Variants in EFCAB5 observed in about 807,000 individuals in gnomAD.
The protein encoded by EFCAB5 is EF-hand calcium binding domain 5.
Under a neutral mutation model 167.9 loss-of-function variants are expected in EFCAB5, and 131 were observed. The ratio of observed to expected loss-of-function variants is 0.78; its 90% CI spans 0.68 to 0.90. The LOEUF (loss-of-function observed/expected upper bound fraction) is 0.90. Ranked by LOEUF, EFCAB5 falls within the 40% of genes least tolerant of loss-of-function variation. The pLI, the probability that EFCAB5 is intolerant of heterozygous loss-of-function variation, is 0.00. For synonymous variants in EFCAB5, 574 were observed against 602.8 expected (o/e 0.95, Z 0.70); for missense variants, 1,663 against 1,745.2 (o/e 0.95, Z 0.84).
chr17:30,053,535 ACAAGGCAAAAAGC>A lies in EFCAB5; in HGVS notation c.1585_1597del (p.Gly529LeufsTer8). 1.9e-6 allele frequency: 3 copies of A among 1,613,940 alleles called. No homozygotes were observed. In the South Asian group the frequency reaches 3.3e-5, roughly 18 times the overall value. On this transcript the variant is annotated frameshift_variant, in exon 10 of 23. Transcript: ENST00000394835. LOFTEE classifies it high-confidence loss of function. ...AAAGAATTTCAATTGAAGAACAACA[ACAAGGCAAAAAGC>A]CAACTGCAGAGCAAGAACTGTACAT...
intron 12 of EFCAB5, 49 bp downstream of exon 12, chr17:30,056,205 ATTTAATTTAC>A (rs1567747072): frequency 1.3e-6 from 2 of 1,501,662 alleles, no homozygotes; most frequent in South Asian, 2.4e-5. Context: ...CAATAGATGG[ATTTAATTTAC>A]TGTGGTACTC....
rs564137438 is a variant in EFCAB5 at position 30,051,319 on chromosome 17, A to G, written c.1300+102A>G. 2.0e-5 allele frequency: 19 copies of G among 935,558 alleles called. No individual in the cohort carries two copies. In the African/African-American group the frequency reaches 2.6e-4, roughly 13 times the overall value. The allele number at this position is 935,558 out of a possible 1,614,324, so 58.0% of individuals were successfully genotyped here. On this transcript the variant is annotated intron_variant, in intron 9 of 22. Transcript: ENST00000394835. ...TATGTTAACACAAGATTATTCTACCACCATGGAATCCCTTCACATAATAGC... is the reference window on the plus strand; with the variant it reads ...TATGTTAACACAAGATTATTCTACCGCCATGGAATCCCTTCACATAATAGC...
chr17:30,091,464 G>T lies in EFCAB5; in HGVS notation c.3938-407G>T, dbSNP rs191231502. ...CATGTCTCCTAAGTGTTCACTATGT[G>T]TAACGCCTGTAACTAAGCACTTTTA... On this transcript the variant is annotated intron_variant, in intron 20 of 22. Transcript: ENST00000394835. Among the ~76,000 whole-genome samples, 18 of 152,332 alleles carry T rather than the reference G, an allele frequency of 1.2e-4. No homozygotes were observed. In the East Asian group the frequency reaches 3.3e-3, roughly 28 times the overall value.
chr17:30,068,301 C>CA (rs2070632982), intron 14 of EFCAB5, among the ~76,000 whole-genome samples: 1 of 134,912 alleles, frequency 7.4e-6, no homozygotes. Context: ...GACTCCATCT[C>CA]AAAAAAAGAA....
Position 30,053,424 on chromosome 17 carries a change from A to T in EFCAB5, c.1470A>T (p.Gln490His). 6.2e-7 allele frequency: 1 copy of T among 1,614,042 alleles called. No individual in the cohort carries two copies. Among genetic ancestry groups the T allele is most frequent in the Middle Eastern group, 1.6e-4 (1 of 6,062 alleles). ...GTAAATTATTAGAAAGTCCAGATCA[A>T]CCTAAACTTAACGAACAGAGAACAT... is the stretch of plus-strand genomic sequence containing the variant. ...TQSKLLESPD[Q>H]PKLNEQRTST... Residue 490 changes from glutamine (Q) to histidine (H), a missense_variant, in exon 10 of 23, where the codon CAA (glutamine) becomes CAT (histidine). By Grantham distance (24) the Gln-to-His change is conservative. Transcript: ENST00000394835.
chr17:29,930,118 G>C, intron 1 of EFCAB5: 1 of 953,608 alleles, frequency 1.0e-6, no homozygotes, highest in Non-Finnish European at 1.6e-6. Flanking sequence ...GAACGGGGAG[G>C]AGGAGGAGGC....
intron 22 of EFCAB5, 135 bp downstream of exon 22, chr17:30,093,071 G>C (rs2071231817): frequency 3.6e-6 from 2 of 555,426 alleles, no homozygotes; most frequent in South Asian, 2.4e-5. Context: ...TCTAAGAGGA[G>C]GGACACTATG....
chr17:30,089,888 C>G lies in EFCAB5; in HGVS notation c.3684-533C>G, dbSNP rs574288730. On this transcript the variant is annotated intron_variant, in intron 19 of 22. Transcript: ENST00000394835. Reference sequence around the variant, plus strand: ...TTTCAGAGCTCCCCTTGGGATCAGGCCGAGGCTAGACTTCATGTGAAATTA... The same window carrying G: ...TTTCAGAGCTCCCCTTGGGATCAGGGCGAGGCTAGACTTCATGTGAAATTA... Among the ~76,000 whole-genome samples, 38 of 152,310 alleles carry G rather than the reference C, an allele frequency of 2.5e-4. 1 individual carries two copies. The highest frequency in any genetic ancestry group is 8.4e-4 in the African/African-American group (35 of 41,556).
At chr17:30,031,234 A>G (rs1015801534) in intron 7 of EFCAB5, among the ~76,000 whole-genome samples, 1 of 152,170 alleles carries the variant, frequency 6.6e-6, no homozygotes, top group African/African-American at 2.4e-5. Context: ...AACAAGCATC[A>G]GAATCACCAG....
chr17:29,981,276 C>T (rs1232118337), intron 4 of EFCAB5, among the ~76,000 whole-genome samples: 1 of 152,182 alleles, frequency 6.6e-6, no homozygotes, highest in African/African-American at 2.4e-5. Flanking sequence ...CTTTTCCAAG[C>T]TTGGCTCCTG....
At chr17:30,012,221 C>T (rs759830366) in intron 7 of EFCAB5, among the ~76,000 whole-genome samples, 1 of 152,064 alleles carries the variant, frequency 6.6e-6, no homozygotes. Context: ...AGGGAGTCTC[C>T]CTTTCCCAGG....
chr17:30,008,676 T>A (rs903039368), intron 7 of EFCAB5, among the ~76,000 whole-genome samples: 1 of 152,042 alleles, frequency 6.6e-6, no homozygotes, highest in African/African-American at 2.4e-5. Context: ...TATAGCACAT[T>A]GTAATAGAAT....
chr17:29,979,908 C>T (rs1241841008), intron 4 of EFCAB5, among the ~76,000 whole-genome samples: 1 of 152,164 alleles, frequency 6.6e-6, no homozygotes, highest in African/African-American at 2.4e-5. Flanking sequence ...GTGGCTCATG[C>T]CTGTAATCCC....
chr17:29,973,232 T>C (rs554262197), intron 4 of EFCAB5, among the ~76,000 whole-genome samples: 7 of 152,276 alleles, frequency 4.6e-5, no homozygotes, highest in African/African-American at 1.7e-4. Flanking sequence ...CCACAAACTT[T>C]ATGTGCCTTT....
chr17:30,108,108 A>T lies in EFCAB5; in HGVS notation c.*84A>T. On this transcript the variant is annotated 3_prime_UTR_variant, in exon 23 of 23. Transcript: ENST00000394835. Reference sequence around the variant, plus strand: ...GTTTGTTAACTATAAAATATTTTCCATTGGAAAGGGGTACCTATAAATGTC... The same window carrying T: ...GTTTGTTAACTATAAAATATTTTCCTTTGGAAAGGGGTACCTATAAATGTC... 1 of 1,429,836 alleles carries T rather than the reference A, an allele frequency of 7.0e-7. No homozygotes were observed. The highest frequency in any genetic ancestry group is 9.4e-7 in the Non-Finnish European group (1 of 1,059,796). The allele number at this position is 1,429,836 out of a possible 1,614,324, so 88.6% of individuals were successfully genotyped here.
At position 30,040,897 on chromosome 17, in the gene EFCAB5, T is replaced by C. The variant is rs201607274; in HGVS notation, c.1200+6512T>C. ...CCCCTTCCTTATTTGGAAATGTTTT[T>C]GCTTCCTTAAACCTTTCGTAAGCAA... is the stretch of plus-strand genomic sequence containing the variant. On this transcript the variant is annotated intron_variant, in intron 8 of 22. Coordinates refer to ENST00000394835, the MANE Select transcript of EFCAB5 (RefSeq NM_198529.4). 2.0e-5 allele frequency among the ~76,000 whole-genome samples: 3 copies of C among 152,228 alleles called. No homozygotes were observed. In the East Asian group the frequency reaches 5.8e-4, roughly 29 times the overall value.
chr17:29,999,864 A>G (rs1010166141), intron 6 of EFCAB5, 42 bp from the exon 7 acceptor site: 4 of 1,401,862 alleles, frequency 2.9e-6, no homozygotes, highest in East Asian at 2.5e-5. Context: ...AATATATATT[A>G]CAACCTAACT....
In EFCAB5 at chr17:30,090,595, A is replaced by G; in HGVS notation, c.3858A>G (p.Lys1286=). 6.2e-7 allele frequency: 1 copy of G among 1,613,992 alleles called. No individual in the cohort carries two copies. Among genetic ancestry groups the G allele is most frequent in the Non-Finnish European group, 8.5e-7 (1 of 1,179,888 alleles). ...LLCQEYKDLQ[K]MMKVVQVACY... ...GTCAAGAATATAAAGATCTACAGAA[A>G]ATGATGAAAGTGGTCCAAGTGGCCT... Residue 1286 remains lysine (K), a synonymous_variant, in exon 20 of 23, where the codon AAA becomes AAG. Transcript: ENST00000394835.
chr17:30,076,146 G>A (rs2070863914), intron 14 of EFCAB5, among the ~76,000 whole-genome samples: 1 of 151,996 alleles, frequency 6.6e-6, no homozygotes, highest in Non-Finnish European at 1.5e-5. Context: ...GCTCTCTTCT[G>A]TTTTAGCTGC....
Sources: allele counts gnomAD v4.1 joint callset (sites outside exome capture counted in the v4.1 genomes callset), GRCh38; gene constraint gnomAD v4.1.1; transcripts MANE v1.5; gene names NCBI Gene and HGNC (gene_info 2026-07-23, HGNC 2026-07-21).